The following OSBPL10 variants were observed in gnomAD, a reference collection of about 807,000 sequenced individuals.
OSBPL10 encodes the protein oxysterol-binding protein-related protein 10.
OSBPL10 carries 49 observed loss-of-function variants against 81.7 expected under a neutral mutation model. The ratio of observed to expected loss-of-function variants is 0.60; its 90% CI spans 0.48 to 0.76. The LOEUF (loss-of-function observed/expected upper bound fraction) is 0.76, where lower values mean the gene tolerates loss of function less well. Among genes scored for constraint, OSBPL10 ranks in the 30% least tolerant of loss-of-function variants. The probability of loss-of-function intolerance (pLI) is 0.00; values close to 1 mark genes in which losing one functional copy is unlikely to be tolerated. For missense variants in OSBPL10, 923 were observed against 987.8 expected (o/e 0.93, Z 0.88); for synonymous variants, 419 against 383.6 (o/e 1.09, Z -1.08).
chr3:31,742,030 T>C (rs1697369101), intron 5 of OSBPL10, among the ~76,000 whole-genome samples: 1 of 152,238 alleles, frequency 6.6e-6, no homozygotes, highest in Non-Finnish European at 1.5e-5. Flanking sequence ...CCCAGTCTTA[T>C]GAAAACGAAC....
chr3:31,839,527 A>C (rs938346315), intron 3 of OSBPL10, among the ~76,000 whole-genome samples: 1 of 152,154 alleles, frequency 6.6e-6, no homozygotes, highest in Admixed American at 6.5e-5. Context: ...AAGAAAAAAA[A>C]CTTGAGGAGG....
chr3:31,919,634 G>A (rs1049934357), intron 1 of OSBPL10: 1 of 152,156 alleles, frequency 6.6e-6, no homozygotes. Context: ...GATCTGATTT[G>A]TCTCTTTCAC....
At chr3:32,074,027 G>A (rs559282852) in intron 1 of OSBPL10, among the ~76,000 whole-genome samples, 11 of 151,986 alleles carry the variant, frequency 7.2e-5, no homozygotes, top group South Asian at 4.2e-4. Flanking sequence ...CCTCACTGCC[G>A]CCAATCCTTC....
At chr3:32,017,488 C>CAAGTGG (rs961991730) in intron 2 of OSBPL10, among the ~76,000 whole-genome samples, 24 of 151,806 alleles carry the variant, frequency 1.6e-4, no homozygotes, top group African/African-American at 5.6e-4. Context: ...TATGGTTTGG[C>CAAGTGG]AAGTGGCTGA....
chr3:31,952,943 T>TC (rs1697911003), intron 1 of OSBPL10, among the ~76,000 whole-genome samples: 1 of 149,542 alleles, frequency 6.7e-6, no homozygotes, highest in East Asian at 2.0e-4. Context: ...TTTTTTTTTT[T>TC]TTTTTTTGAG....
At chr3:31,915,923 G>A (rs750396427) in intron 1 of OSBPL10, among the ~76,000 whole-genome samples, 1 of 151,658 alleles carries the variant, frequency 6.6e-6, no homozygotes, top group Non-Finnish European at 1.5e-5. Flanking sequence ...GCGAAACCCC[G>A]TCTCTACTAA....
At chr3:31,946,951 G>A (rs1387660699) in intron 1 of OSBPL10, among the ~76,000 whole-genome samples, 1 of 152,204 alleles carries the variant, frequency 6.6e-6, no homozygotes, top group East Asian at 1.9e-4. Flanking sequence ...AGGGCAGGAG[G>A]AGCAGACCAG....
At chr3:31,850,946 T>G (rs937320357) in intron 3 of OSBPL10, among the ~76,000 whole-genome samples, 4 of 152,200 alleles carry the variant, frequency 2.6e-5, no homozygotes, top group African/African-American at 9.6e-5. Flanking sequence ...TCCATTAATG[T>G]GGTGTGTCTG....
chr3:31,948,825 G>A (rs892124949), intron 1 of OSBPL10, among the ~76,000 whole-genome samples: 4 of 152,202 alleles, frequency 2.6e-5, no homozygotes, highest in Non-Finnish European at 4.4e-5. Flanking sequence ...TTGACTTAAG[G>A]AGAACTTCAG....
At chr3:31,680,008 G>A (rs1222154067) in intron 8 of OSBPL10, among the ~76,000 whole-genome samples, 3 of 152,074 alleles carry the variant, frequency 2.0e-5, no homozygotes, top group African/African-American at 4.8e-5. Context: ...CCCCAGTCTG[G>A]GCTGAAACAC....
chr3:32,043,240 C>T (rs1349405246), intron 2 of OSBPL10, among the ~76,000 whole-genome samples: 1 of 152,142 alleles, frequency 6.6e-6, no homozygotes, highest in Non-Finnish European at 1.5e-5. Context: ...GATATCTTCC[C>T]TACTTGCACG....
In OSBPL10 at chr3:31,835,475, A is replaced by G. The variant is rs192060135; in HGVS notation, c.538-5244T>C. On this transcript the variant is annotated intron_variant, in intron 3 of 11. Coordinates refer to ENST00000396556, the MANE Select transcript of OSBPL10 (RefSeq NM_017784.5). ...GGAGGGAAGGGGGTTTAAGATTTCA[A>G]ATAGACATTTGACACAACCACTTCT... Among the ~76,000 whole-genome samples, 357 of 152,346 alleles carry G rather than the reference A, an allele frequency of 2.3e-3. 1 individual carries two copies. The highest frequency in any genetic ancestry group is 3.4e-3 in the Middle Eastern group (1 of 294).
intron 1 of OSBPL10, among the ~76,000 whole-genome samples, chr3:31,910,173 G>T (rs1696532589): frequency 1.3e-5 from 2 of 151,784 alleles, no homozygotes; most frequent in African/African-American, 2.4e-5. Flanking sequence ...TAGAGACAGG[G>T]TTTCACCATG....
chr3:32,048,652 AC>A (rs927537200), intron 1 of OSBPL10, among the ~76,000 whole-genome samples: 1 of 151,610 alleles, frequency 6.6e-6, no homozygotes, highest in Admixed American at 6.6e-5. Flanking sequence ...TTTTCTCTAT[AC>A]CCCTTTAAAT....
chr3:31,883,677 G>A lies in OSBPL10; in HGVS notation c.282-3847C>T, dbSNP rs138890060. Reference sequence around the variant, plus strand: ...CTCCCGAGTAGCTGAGATTACAGGCGCTTGCCACTATGCCCAGCTAATTTT... The same window carrying A: ...CTCCCGAGTAGCTGAGATTACAGGCACTTGCCACTATGCCCAGCTAATTTT... On this transcript the variant is annotated intron_variant, in intron 1 of 11. Transcript: ENST00000396556. 4.3e-3 allele frequency among the ~76,000 whole-genome samples: 654 copies of A among 152,004 alleles called. 2 individuals are homozygous for A. Among genetic ancestry groups the A allele is most frequent in the African/African-American group, 0.015 (605 of 41,480 alleles).
chr3:31,983,436 A>G (rs1457801646), upstream of OSBPL10, among the ~76,000 whole-genome samples: 2 of 152,182 alleles, frequency 1.3e-5, no homozygotes, highest in Non-Finnish European at 2.9e-5. Context: ...ACAAATTCTC[A>G]CCTTGGACTA....
chr3:31,725,451 T>C (rs968847598), intron 6 of OSBPL10, among the ~76,000 whole-genome samples: 1 of 152,198 alleles, frequency 6.6e-6, no homozygotes, highest in Non-Finnish European at 1.5e-5. Context: ...CAAATCATTG[T>C]TCATTCCTTT....
chr3:31,776,465 A>G lies in OSBPL10; in HGVS notation c.730-28345T>C, dbSNP rs191349488. Among the ~76,000 whole-genome samples, 3 of 152,354 alleles carry G rather than the reference A, an allele frequency of 2.0e-5. No homozygotes were observed. In the East Asian group the frequency reaches 5.8e-4, roughly 29 times the overall value. On this transcript the variant is annotated intron_variant, in intron 4 of 11. Coordinates refer to ENST00000396556, the MANE Select transcript of OSBPL10 (RefSeq NM_017784.5). ...ATGACCCAGAAATTTCTAACCCCAA[A>G]TAAATGAACACTGGTACCTAAACAA...
At chr3:32,048,771 C>T (rs1699646624) in intron 1 of OSBPL10, among the ~76,000 whole-genome samples, 1 of 152,082 alleles carries the variant, frequency 6.6e-6, no homozygotes, top group South Asian at 2.1e-4. Flanking sequence ...ATCCCAGGAG[C>T]TTAGACATTC....
Sources: allele counts gnomAD v4.1 joint callset (sites outside exome capture counted in the v4.1 genomes callset), GRCh38; gene constraint gnomAD v4.1.1; transcripts MANE v1.5; gene names NCBI Gene and HGNC (gene_info 2026-07-23, HGNC 2026-07-21).